The following PRUNE2 variants were observed in gnomAD, a reference collection of about 807,000 sequenced individuals.
PRUNE2 encodes protein prune homolog 2.
A neutral mutation model predicts 252.0 loss-of-function variants in PRUNE2; 164 were observed. The observed-to-expected ratio is 0.65, with a 90% CI of 0.57 to 0.74. The LOEUF is 0.74. Among genes scored for constraint, PRUNE2 ranks in the 30% least tolerant of loss-of-function variants. PRUNE2 has a pLI of 0.00. For synonymous variants in PRUNE2, 1,292 were observed against 1,350.2 expected (o/e 0.96, Z 0.94); for missense variants, 3,495 against 3,711.0 (o/e 0.94, Z 1.51).
intron 1 of PRUNE2, among the ~76,000 whole-genome samples, chr9:76,870,764 G>C (rs542676924): frequency 5.2e-4 from 79 of 151,996 alleles, no homozygotes; most frequent in African/African-American, 1.9e-3. Context: ...GATGTGGAGT[G>C]AGGGCAAGAG....
chr9:76,621,197 A>G (rs567588391), intron 17 of PRUNE2, among the ~76,000 whole-genome samples: 2 of 152,298 alleles, frequency 1.3e-5, no homozygotes, highest in Non-Finnish European at 2.9e-5. Flanking sequence ...AGCTTTCTGA[A>G]CAAGTCATGT....
intron 2 of PRUNE2, among the ~76,000 whole-genome samples, chr9:76,851,560 A>AACAC (rs1554809068): frequency 1.3e-5 from 2 of 150,644 alleles, no homozygotes; most frequent in South Asian, 2.1e-4. Flanking sequence ...AAAAAAAAAA[A>AACAC]ACACACACAC....
chr9:76,875,491 G>A (rs1245857812), intron 1 of PRUNE2, among the ~76,000 whole-genome samples: 8 of 152,048 alleles, frequency 5.3e-5, no homozygotes, highest in South Asian at 4.2e-4. Context: ...TCAGCCTCCC[G>A]AGTAGCTGGG....
At chr9:76,764,830 C>T (rs542882428) in intron 6 of PRUNE2, among the ~76,000 whole-genome samples, 2 of 152,222 alleles carry the variant, frequency 1.3e-5, no homozygotes, top group Middle Eastern at 3.4e-3. Flanking sequence ...TCTCCCTCCA[C>T]TGGAATGGAA....
intron 1 of PRUNE2, among the ~76,000 whole-genome samples, chr9:76,857,930 C>T (rs1041770906): frequency 1.3e-5 from 2 of 152,108 alleles, no homozygotes; most frequent in African/African-American, 4.8e-5. Context: ...CCCCAAAGAT[C>T]GTCTGCACTG....
chr9:76,742,727 T>C (rs1478162845), intron 6 of PRUNE2, among the ~76,000 whole-genome samples: 1 of 151,898 alleles, frequency 6.6e-6, no homozygotes, highest in African/African-American at 2.4e-5. Flanking sequence ...AAATAGTCAA[T>C]GAACATATGA....
At chr9:76,665,939 G>A (rs1207399894) in intron 9 of PRUNE2, among the ~76,000 whole-genome samples, 1 of 152,100 alleles carries the variant, frequency 6.6e-6, no homozygotes, top group Non-Finnish European at 1.5e-5. Flanking sequence ...ACTAGATCTA[G>A]ATCATAGACA....
At chr9:76,754,592 G>A (rs1420078494) in intron 6 of PRUNE2, among the ~76,000 whole-genome samples, 1 of 152,154 alleles carries the variant, frequency 6.6e-6, no homozygotes, top group Non-Finnish European at 1.5e-5. Context: ...GTGGCAGTTT[G>A]TACACTTGCT....
chr9:76,891,812 G>A (rs1483196994), intron 1 of PRUNE2, among the ~76,000 whole-genome samples: 1 of 152,168 alleles, frequency 6.6e-6, no homozygotes, highest in Non-Finnish European at 1.5e-5. Context: ...GCCACTTACT[G>A]GCTGTGTGTC....
chr9:76,882,741 G>T (rs2133322330), intron 1 of PRUNE2, among the ~76,000 whole-genome samples: 1 of 152,260 alleles, frequency 6.6e-6, no homozygotes, highest in South Asian at 2.1e-4. Context: ...CTGCCCCCAT[G>T]ATCCAATCAC....
At chr9:76,868,837 T>TGGGGGGG (rs111357062) in intron 1 of PRUNE2, 16 of 77,096 alleles carry the variant, frequency 2.1e-4, no homozygotes, top group South Asian at 5.8e-4. Flanking sequence ...CCTTGGGGGG[T>TGGGGGGG]GGGGGGGGGG....
intron 6 of PRUNE2, among the ~76,000 whole-genome samples, chr9:76,763,270 A>G (rs1284372219): frequency 6.6e-6 from 1 of 152,220 alleles, no homozygotes; most frequent in Non-Finnish European, 1.5e-5. Context: ...GGATCATAGC[A>G]GGACTACTGG....
At chr9:76,654,083 G>C (rs143068610) in intron 10 of PRUNE2, among the ~76,000 whole-genome samples, 1,972 of 152,246 alleles carry the variant, frequency 0.013, 45 homozygotes, top group African/African-American at 0.043. Flanking sequence ...AGGACACCCA[G>C]TTGGTGTTCA....
At position 76,709,900 on chromosome 9, in the gene PRUNE2, C is replaced by A. The variant is rs901596855; in HGVS notation, c.2374G>T (p.Ala792Ser). ...WGNPTDDGEP[A>S]AVAPFPAWSA... is the part of the protein sequence containing the mutation. ...CAGGCTGGGAATGGCGCCACAGCTG[C>A]TGGTTCACCATCATCTGTAGGATTT... Residue 792 changes from alanine to serine, a missense_variant, in exon 8 of 19, where the codon GCA becomes TCA. Transcript: ENST00000376718. 2.5e-6 allele frequency: 4 copies of A among 1,613,730 alleles called. No homozygotes were observed. Among genetic ancestry groups the A allele is most frequent in the Non-Finnish European group, 3.4e-6 (4 of 1,179,856 alleles).
chr9:76,684,644 C>G (rs1386787473), intron 9 of PRUNE2, among the ~76,000 whole-genome samples: 6 of 152,216 alleles, frequency 3.9e-5, no homozygotes, highest in Admixed American at 2.6e-4. Context: ...CATTGTCCCA[C>G]AAGAAATTTC....
intron 9 of PRUNE2, among the ~76,000 whole-genome samples, chr9:76,667,063 C>A (rs767489043): frequency 6.6e-6 from 1 of 152,078 alleles, no homozygotes; most frequent in Non-Finnish European, 1.5e-5. Context: ...AAAGAAAATT[C>A]TCTTCCAACA....
chr9:76,779,570 T>G (rs187198125), intron 6 of PRUNE2: 12 of 152,192 alleles, frequency 7.9e-5, no homozygotes, highest in Non-Finnish European at 1.3e-4. Context: ...AGGACAGCAT[T>G]GTGGCTTGGA....
At chr9:76,670,710 C>T (rs1037698864) in intron 9 of PRUNE2, among the ~76,000 whole-genome samples, 3 of 151,950 alleles carry the variant, frequency 2.0e-5, no homozygotes, top group African/African-American at 7.2e-5. Flanking sequence ...GATCTGAGAA[C>T]AGGCAGACTG....
chr9:76,881,071 G>A (rs1218522997), intron 1 of PRUNE2, among the ~76,000 whole-genome samples: 8 of 151,510 alleles, frequency 5.3e-5, no homozygotes, highest in East Asian at 3.9e-4. Flanking sequence ...GGGTTCAAGC[G>A]ATTTTTCTTC....
Sources: gnomAD v4.1 joint callset for allele counts (sites outside exome capture counted in the v4.1 genomes callset) on GRCh38, gnomAD v4.1.1 for gene constraint, MANE v1.5 for transcripts, NCBI Gene and HGNC (gene_info 2026-07-23, HGNC 2026-07-21) for gene names.